The following MCM9 variants were observed in gnomAD, a reference collection of about 807,000 sequenced individuals.
MCM9 encodes the protein minichromosome maintenance 9 homologous recombination repair factor.
Under a neutral mutation model 72.8 loss-of-function variants are expected in MCM9, and 55 were observed. The ratio of observed to expected loss-of-function variants is 0.76; its 90% CI spans 0.61 to 0.95. The LOEUF (loss-of-function observed/expected upper bound fraction) is 0.95, where lower values mean the gene tolerates loss of function less well. MCM9 is among the 40% of genes least tolerant of loss of function. The pLI is 0.00. For missense variants in MCM9, 1,279 were observed against 1,377.0 expected (o/e 0.93, Z 1.13); for synonymous variants, 480 against 503.4 (o/e 0.95, Z 0.62).
intron 8 of MCM9, among the ~76,000 whole-genome samples, chr6:118,871,836 G>A (rs1470467200): frequency 6.6e-6 from 1 of 152,064 alleles, no homozygotes; most frequent in African/African-American, 2.4e-5. Flanking sequence ...GAGCCTGGGA[G>A]GCAAAGGTTG....
intron 8 of MCM9, among the ~76,000 whole-genome samples, chr6:118,909,375 C>T (rs1267386116): frequency 3.9e-5 from 6 of 152,074 alleles, no homozygotes; most frequent in Non-Finnish European, 5.9e-5. Flanking sequence ...TTGGGACATG[C>T]GAACCATTAC....
At chr6:118,846,892 AACT>A (rs1238732284) in intron 9 of MCM9, among the ~76,000 whole-genome samples, 1 of 151,786 alleles carries the variant, frequency 6.6e-6, no homozygotes, top group Non-Finnish European at 1.5e-5. Flanking sequence ...AGCTCCATAA[AACT>A]ACTACAAGAA....
rs1562401316 is a variant in MCM9, at chr6:118,829,090, C to T, written c.1486G>A (p.Asp496Asn). 6.4e-7 allele frequency: 1 copy of T among 1,550,634 alleles called. No homozygotes were observed. Among genetic ancestry groups the T allele is most frequent in the Non-Finnish European group, 8.7e-7 (1 of 1,146,994 alleles). ...ILVLLDTKNE[D>N]WDRIISSFIL... Reference sequence around the variant, plus strand: ...AAGGAGGAAATGATACGATCCCAGTCTTCATTCTTGGTATCAAGCAAAACC... The same window carrying T: ...AAGGAGGAAATGATACGATCCCAGTTTTCATTCTTGGTATCAAGCAAAACC... The change falls in exon 10 of 14, where the codon GAC becomes AAC. Residue 496 changes from aspartate (D) to asparagine (N), a missense_variant. Transcript: ENST00000619706.
At chr6:118,855,706 T>C (rs1776510543) in intron 9 of MCM9, among the ~76,000 whole-genome samples, 1 of 152,144 alleles carries the variant, frequency 6.6e-6, no homozygotes, top group African/African-American at 2.4e-5. Flanking sequence ...ACGGAAACAG[T>C]TCTAGCCCTG....
intron 8 of MCM9, among the ~76,000 whole-genome samples, chr6:118,859,281 C>A (rs1435845190): frequency 6.6e-6 from 1 of 152,026 alleles, no homozygotes; most frequent in Non-Finnish European, 1.5e-5. Context: ...TAATTCAATA[C>A]CTAAATGTAA....
chr6:118,817,991 T>A (rs898136743), intron 13 of MCM9, among the ~76,000 whole-genome samples: 4 of 152,218 alleles, frequency 2.6e-5, no homozygotes, highest in African/African-American at 9.7e-5. Flanking sequence ...TTTTTTCTTG[T>A]ATATTTTTTT....
intron 9 of MCM9, among the ~76,000 whole-genome samples, chr6:118,848,463 C>G (rs555605910): frequency 6.6e-6 from 1 of 151,940 alleles, no homozygotes; most frequent in African/African-American, 2.4e-5. Context: ...CACAGCCACT[C>G]CCATCTGTTT....
At chr6:118,821,659 T>A (rs1393793479) in intron 13 of MCM9, among the ~76,000 whole-genome samples, 2 of 152,174 alleles carry the variant, frequency 1.3e-5, no homozygotes, top group Non-Finnish European at 2.9e-5. Flanking sequence ...TGAATTTGAA[T>A]GTTGGCTTGT....
At chr6:118,876,672 A>G (rs905241192) in intron 8 of MCM9, among the ~76,000 whole-genome samples, 1 of 152,238 alleles carries the variant, frequency 6.6e-6, no homozygotes, top group African/African-American at 2.4e-5. Flanking sequence ...GAAGTTAAAA[A>G]TGTTTGTTCT....
At chr6:118,884,390 C>T (rs1382315770) in intron 8 of MCM9, among the ~76,000 whole-genome samples, 1 of 151,302 alleles carries the variant, frequency 6.6e-6, no homozygotes, top group Admixed American at 6.6e-5. Context: ...ATTAAGTAAG[C>T]CCTATAACAA....
intron 8 of MCM9, among the ~76,000 whole-genome samples, chr6:118,895,865 C>T (rs555626205): frequency 2.0e-5 from 3 of 151,968 alleles, no homozygotes; most frequent in Non-Finnish European, 4.4e-5. Context: ...AGTTTTTAAT[C>T]TCTAAAATGT....
At chr6:118,867,971 G>A (rs1179821763) in intron 8 of MCM9, among the ~76,000 whole-genome samples, 4 of 147,992 alleles carry the variant, frequency 2.7e-5, no homozygotes, top group South Asian at 2.1e-4. Context: ...CCACCTCCTG[G>A]GTTCAAGCAA....
intron 8 of MCM9, chr6:118,900,749 T>C (rs1260939660): frequency 1.3e-6 from 2 of 1,516,770 alleles, no homozygotes; most frequent in Admixed American, 3.3e-5. Context: ...AATAATGCTT[T>C]GGTTTTTTAA....
At chr6:118,907,497 T>A in intron 8 of MCM9, 2 of 1,613,624 alleles carry the variant, frequency 1.2e-6, no homozygotes, top group Non-Finnish European at 8.5e-7. Flanking sequence ...CAGAGAGCAG[T>A]AATCCAAATC....
At chr6:118,890,995 T>C (rs1260529367) in intron 8 of MCM9, among the ~76,000 whole-genome samples, 1 of 152,218 alleles carries the variant, frequency 6.6e-6, no homozygotes, top group African/African-American at 2.4e-5. Flanking sequence ...CTCAATTTAA[T>C]TCCTAGTTCT....
chr6:118,868,748 T>C (rs549245317), intron 8 of MCM9, among the ~76,000 whole-genome samples: 10 of 152,230 alleles, frequency 6.6e-5, no homozygotes, highest in South Asian at 2.1e-4. Context: ...ATGGCAATCA[T>C]TAAAAAGTCA....
chr6:118,893,634 T>C (rs955677503), intron 8 of MCM9, among the ~76,000 whole-genome samples: 1 of 152,146 alleles, frequency 6.6e-6, no homozygotes, highest in Non-Finnish European at 1.5e-5. Context: ...ATTTCCAAAA[T>C]GGCTTTGCTC....
At chr6:118,874,029 G>A (rs1027625841) in intron 8 of MCM9, among the ~76,000 whole-genome samples, 10 of 152,092 alleles carry the variant, frequency 6.6e-5, no homozygotes, top group African/African-American at 1.4e-4. Flanking sequence ...AAAGGTGGGC[G>A]GATTGCTTGA....
At chr6:118,891,406 A>C (rs1778932960) in intron 8 of MCM9, among the ~76,000 whole-genome samples, 1 of 152,250 alleles carries the variant, frequency 6.6e-6, no homozygotes, top group South Asian at 2.1e-4. Flanking sequence ...ATAACAAAAT[A>C]TCACTCACTG....
Sources: allele counts gnomAD v4.1 joint callset (sites outside exome capture counted in the v4.1 genomes callset), GRCh38; gene constraint gnomAD v4.1.1; transcripts MANE v1.5; gene names NCBI Gene and HGNC (gene_info 2026-07-23, HGNC 2026-07-21).